AAK1: variants seen among roughly 807,000 people sequenced by gnomAD.
AAK1 encodes AP2-associated protein kinase 1.
A neutral mutation model predicts 116.0 loss-of-function variants in AAK1; 37 were observed. That is an observed-to-expected ratio of 0.32 (90% confidence interval 0.25 to 0.42). The LOEUF (loss-of-function observed/expected upper bound fraction) is 0.42. Among genes scored for constraint, AAK1 ranks in the 10% least tolerant of loss-of-function variants. AAK1 has a pLI of 1.00. For synonymous variants in AAK1, 458 were observed against 439.9 expected (o/e 1.04, Z -0.51); for missense variants, 919 against 1,170.6 (o/e 0.79, Z 3.14).
chr2:69,549,727 A>G (rs979660322), intron 3 of AAK1, among the ~76,000 whole-genome samples: 2 of 152,128 alleles, frequency 1.3e-5, no homozygotes, highest in African/African-American at 4.8e-5. Flanking sequence ...AGTCTTTTCC[A>G]CTCATGCTGC....
intron 13 of AAK1, among the ~76,000 whole-genome samples, chr2:69,511,471 A>C (rs1676393081): frequency 6.6e-6 from 1 of 152,230 alleles, no homozygotes; most frequent in Non-Finnish European, 1.5e-5. Flanking sequence ...CTGTGAAGAC[A>C]ACCACAGCTC....
At chr2:69,584,199 C>T (rs1327099437) in intron 2 of AAK1, among the ~76,000 whole-genome samples, 3 of 152,182 alleles carry the variant, frequency 2.0e-5, no homozygotes, top group African/African-American at 7.2e-5. Context: ...AACAATCTAG[C>T]ATCTTCCTTA....
At chr2:69,638,164 G>A (rs1379399290) in intron 2 of AAK1, among the ~76,000 whole-genome samples, 1 of 152,202 alleles carries the variant, frequency 6.6e-6, no homozygotes, top group Admixed American at 6.5e-5. Flanking sequence ...TCAAATTGGT[G>A]TTTGCGTCAA....
chr2:69,552,627 C>T (rs2105075230), intron 3 of AAK1, among the ~76,000 whole-genome samples: 1 of 152,180 alleles, frequency 6.6e-6, no homozygotes, highest in Middle Eastern at 3.4e-3. Context: ...AGGAGAATTA[C>T]CTGAACCTGG....
chr2:69,542,419 C>T (rs1465962914), intron 5 of AAK1, 104 bp downstream of exon 5: 3 of 1,369,814 alleles, frequency 2.2e-6, no homozygotes, highest in Non-Finnish European at 2.0e-6. Context: ...AAAACAGGGA[C>T]CATATCTTAA....
At chr2:69,482,666 C>T (rs1187473192) in intron 18 of AAK1, 45 bp downstream of exon 18, 1 of 1,466,768 alleles carries the variant, frequency 6.8e-7, no homozygotes, top group African/African-American at 1.4e-5. Context: ...TTGAAACAGG[C>T]ACACATATCA....
rs1457439253 is a variant in AAK1 at position 69,470,584 on chromosome 2, A to G, written c.*5285T>C. The G allele has an allele frequency of 1.0e-6, 1 of 985,332 alleles. No homozygotes were observed. The highest frequency in any genetic ancestry group is 1.2e-6 in the Non-Finnish European group (1 of 829,948). The allele number at this position is 985,332 out of a possible 1,614,324, so 61.0% of individuals were successfully genotyped here. ...ACTGGGGATAAAATTATTCTTGCCAACACAAAATGTTTAATTAAGTTGGCC... is the reference window on the plus strand; with the variant it reads ...ACTGGGGATAAAATTATTCTTGCCAGCACAAAATGTTTAATTAAGTTGGCC... On this transcript the variant is annotated 3_prime_UTR_variant, in exon 22 of 22. Coordinates refer to ENST00000409085, the MANE Select transcript of AAK1 (RefSeq NM_014911.5).
rs763085228 is a variant in AAK1 at position 69,466,266 on chromosome 2, G to T, written c.*9603C>A. On this transcript the variant is annotated 3_prime_UTR_variant, in exon 22 of 22. Transcript: ENST00000409085. The stretch of plus-strand genomic sequence containing the variant: ...GGCTCCTCCCAGCTTCCCCGGGGGG[G>T]GTCTGCAGCTCTCATCTTCTTCTTC... 6.4e-5 allele frequency: 83 copies of T among 1,289,634 alleles called. No individual in the cohort carries two copies. Among genetic ancestry groups the T allele is most frequent in the Non-Finnish European group, 8.1e-5 (80 of 988,858 alleles). The allele number at this position is 1,289,634 out of a possible 1,614,324, so 79.9% of individuals were successfully genotyped here. A position where few individuals can be genotyped will look rare whatever the true frequency, so the allele number is the denominator to read the frequency against.
chr2:69,631,461 T>A (rs1303630622), intron 2 of AAK1, among the ~76,000 whole-genome samples: 3 of 152,244 alleles, frequency 2.0e-5, no homozygotes, highest in Admixed American at 6.5e-5. Flanking sequence ...TTTGGTCCAA[T>A]AATCTCTGTT....
At position 69,474,050 on chromosome 2, in the gene AAK1, G is replaced by A. The variant is rs1186249041; in HGVS notation, c.*1819C>T. The A allele has an allele frequency of 9.1e-6, 9 of 985,882 alleles. No homozygotes were observed. Among genetic ancestry groups the A allele is most frequent in the Non-Finnish European group, 1.1e-5 (9 of 829,942 alleles). The allele number at this position is 985,882 out of a possible 1,614,324, so 61.1% of individuals were successfully genotyped here. ...CATCTTGTTTCAGCCAGCACGGGAA[G>A]TATTTAAAGACAGAAGGAAGGCTGG... On this transcript the variant is annotated 3_prime_UTR_variant, in exon 22 of 22. Transcript: ENST00000409085.
chr2:69,597,858 G>T, intron 2 of AAK1: 1 of 178,880 alleles, frequency 5.6e-6, no homozygotes, highest in Non-Finnish European at 1.2e-5. Flanking sequence ...TGGAGACAGA[G>T]TAAGATCGGG....
chr2:69,502,820 T>C (rs1676032059), intron 16 of AAK1, among the ~76,000 whole-genome samples: 2 of 152,180 alleles, frequency 1.3e-5, no homozygotes. Context: ...ATTTAGCACA[T>C]AGTCTCTTAG....
intron 2 of AAK1, among the ~76,000 whole-genome samples, chr2:69,615,394 A>C (rs1361277880): frequency 6.6e-6 from 1 of 152,176 alleles, no homozygotes; most frequent in East Asian, 1.9e-4. Context: ...CATTTAACCA[A>C]ATGGAAATAC....
rs1181014921 is a variant in AAK1, at chr2:69,514,861, T to C, written c.1498-112A>G. 4 of 1,263,700 alleles carry C rather than the reference T, an allele frequency of 3.2e-6. No homozygotes were observed. The African/African-American group carries it at 6.1e-5, about 19-fold the overall frequency. 78.3% of individuals were successfully genotyped at this position (1,263,700 alleles called of 1,614,324 possible). On this transcript the variant is annotated intron_variant, in intron 12 of 21. Transcript: ENST00000409085. ...TGCTAAAGCCAAAGGCAAGGGCAAG[T>C]AGAAAAGTCTTGAGGCTAGGCCTAA... is the stretch of plus-strand genomic sequence containing the variant.
intron 2 of AAK1, among the ~76,000 whole-genome samples, chr2:69,578,542 A>T (rs1572974498): frequency 1.3e-5 from 2 of 152,158 alleles, no homozygotes; most frequent in Admixed American, 6.5e-5. Context: ...GAACACTGAG[A>T]GGAGCCACCA....
intron 2 of AAK1, among the ~76,000 whole-genome samples, chr2:69,587,135 A>C (rs2105157687): frequency 6.6e-6 from 1 of 151,202 alleles, no homozygotes; most frequent in Middle Eastern, 3.4e-3. Context: ...CCCAGGCTGG[A>C]GTACGATGGC....
At position 69,527,330 on chromosome 2, in the gene AAK1, CAT is replaced by C. The variant is rs766164653; in HGVS notation, c.872-13_872-12del. On this transcript the variant is annotated splice_polypyrimidine_tract_variant and intron_variant, in intron 8 of 21. Transcript: ENST00000409085. ...GTTCCAACATATACCCTAAGGCAAA[CAT>C]GTGAATTTATTTAATAATATTCCAA... 2.2e-5 allele frequency: 34 copies of C among 1,522,298 alleles called. No homozygotes were observed. In the African/African-American group the frequency reaches 4.0e-4, roughly 18 times the overall value. 94.3% of individuals were successfully genotyped at this position (1,522,298 alleles called of 1,614,324 possible).
intron 18 of AAK1, 84 bp downstream of exon 18, chr2:69,482,627 G>A: frequency 9.0e-7 from 1 of 1,115,880 alleles, no homozygotes; most frequent in Non-Finnish European, 1.3e-6. Context: ...CTATTCCCCA[G>A]GGATTGGTTA....
At chr2:69,515,015 C>T (rs768376400) in intron 12 of AAK1, among the ~76,000 whole-genome samples, 25 of 152,280 alleles carry the variant, frequency 1.6e-4, no homozygotes, top group Non-Finnish European at 3.2e-4. Context: ...GGTTTCTGGG[C>T]CTTGCCTAAG....
Sources: gnomAD v4.1 joint callset for allele counts (sites outside exome capture counted in the v4.1 genomes callset) on GRCh38, gnomAD v4.1.1 for gene constraint, MANE v1.5 for transcripts, NCBI Gene and HGNC (gene_info 2026-07-23, HGNC 2026-07-21) for gene names.